The following DYDC1 variants were observed in gnomAD, a reference collection of about 807,000 sequenced individuals.
DYDC1 encodes the protein DPY30 domain containing 1.
DYDC1 carries 21 observed loss-of-function variants against 27.9 expected under a neutral mutation model. The ratio of observed to expected loss-of-function variants is 0.75; its 90% CI spans 0.53 to 1.08. DYDC1 has a LOEUF of 1.08. DYDC1 is among the 50% of genes least tolerant of loss of function. The pLI, the probability that DYDC1 is intolerant of heterozygous loss-of-function variation, is 0.00. For missense variants in DYDC1, 202 were observed against 205.9 expected (o/e 0.98, Z 0.12); for synonymous variants, 67 against 65.8 (o/e 1.02, Z -0.09).
Position 80,344,131 on chromosome 10 carries a change from A to T in DYDC1, c.250-1770T>A, listed in dbSNP as rs552373112. Among the ~76,000 whole-genome samples the T allele has an allele frequency of 1.7e-3, 252 of 152,270 alleles. 2 individuals carry two copies. The highest frequency in any genetic ancestry group is 6.0e-3 in the African/African-American group (248 of 41,546). ...ACTCTGTCTTAAAAAAATAAAAATAACAAAAACAGAATTATCACAGCAGAA... is the reference window on the plus strand; with the variant it reads ...ACTCTGTCTTAAAAAAATAAAAATATCAAAAACAGAATTATCACAGCAGAA... On this transcript the variant is annotated intron_variant, in intron 3 of 6. Coordinates refer to ENST00000372202, the MANE Select transcript of DYDC1 (RefSeq NM_001269053.2).
chr10:80,356,674 A>G, intron 1 of DYDC1, 38 bp downstream of exon 1: 1 of 984,640 alleles, frequency 1.0e-6, no homozygotes, highest in Non-Finnish European at 1.2e-6. Flanking sequence ...TAGGGGAACA[A>G]ATCCCAAAAA....
At chr10:80,349,253 A>C (rs1287512409) in intron 3 of DYDC1, among the ~76,000 whole-genome samples, 1 of 152,232 alleles carries the variant, frequency 6.6e-6, no homozygotes, top group Non-Finnish European at 1.5e-5. Context: ...ACTTCAACCA[A>C]GTGAAATGTT....
chr10:80,348,177 G>A (rs1842781294), intron 3 of DYDC1, among the ~76,000 whole-genome samples: 3 of 152,048 alleles, frequency 2.0e-5, no homozygotes, highest in Admixed American at 2.0e-4. Flanking sequence ...CACCTCCTTG[G>A]TTACATTTAT....
At chr10:80,342,138 C>G (rs911599800) in intron 4 of DYDC1, 131 bp downstream of exon 4, 6 of 791,934 alleles carry the variant, frequency 7.6e-6, no homozygotes, top group Middle Eastern at 3.8e-4. Flanking sequence ...ACTTGTTTAG[C>G]TTACACAGCT....
intron 3 of DYDC1, among the ~76,000 whole-genome samples, chr10:80,342,980 CAA>C (rs55665661): frequency 4.3e-5 from 4 of 93,896 alleles, no homozygotes; most frequent in Non-Finnish European, 4.3e-5. Flanking sequence ...GACTCCCTCT[CAA>C]AAAAAAAAAA....
In DYDC1 at chr10:80,352,494, C is replaced by T. The variant is rs1843057494; in HGVS notation, c.108G>A (p.Trp36Ter). The T allele has an allele frequency of 1.9e-6, 3 of 1,612,012 alleles. No individual in the cohort carries two copies. Among genetic ancestry groups the T allele is most frequent in the East Asian group, 2.2e-5 (1 of 44,744 alleles). ...PVDPIEYLAL[W>*]IYKYKENVTM... is the part of the protein sequence containing the mutation. ...TCACATTTTCCTTATACTTGTAAAT[C>T]CACAATGCTAAATATTCTATCGGAT... The change falls in exon 2 of 7, where the codon TGG becomes TGA. Residue 36 changes from tryptophan (W) to a stop codon, truncating the protein, a stop_gained. Transcript: ENST00000372202. LOFTEE classifies it high-confidence loss of function.
intron 3 of DYDC1, 65 bp downstream of exon 3, chr10:80,351,836 G>A: frequency 1.4e-6 from 2 of 1,435,694 alleles, no homozygotes; most frequent in South Asian, 2.4e-5. Context: ...CAACATTTAG[G>A]CTGTGCCATG....
chr10:80,356,079 G>A (rs1843350344), intron 1 of DYDC1, among the ~76,000 whole-genome samples: 5 of 151,786 alleles, frequency 3.3e-5, no homozygotes, highest in Admixed American at 3.3e-4. Context: ...TATCCCTAAA[G>A]AGAAAACTTC....
chr10:80,336,732 C>T (rs1842146264), intron 6 of DYDC1, among the ~76,000 whole-genome samples: 1 of 152,220 alleles, frequency 6.6e-6, no homozygotes, highest in Non-Finnish European at 1.5e-5. Flanking sequence ...AATGTTAACA[C>T]TCTTAACTCA....
chr10:80,336,483 C>T, intron 6 of DYDC1: 1 of 386,510 alleles, frequency 2.6e-6, no homozygotes, highest in South Asian at 1.1e-4. Context: ...CCTCCCTGAG[C>T]CCCCAGGCCT....
At chr10:80,348,862 A>G (rs1002006350) in intron 3 of DYDC1, among the ~76,000 whole-genome samples, 3 of 152,230 alleles carry the variant, frequency 2.0e-5, no homozygotes, top group African/African-American at 7.2e-5. Flanking sequence ...GATGAAATGC[A>G]TAAAACCTCA....
chr10:80,352,148 GGAAGATATTTTATCT>G (rs1221058022), intron 2 of DYDC1, 146 bp from the exon 3 acceptor site: 1 of 786,658 alleles, frequency 1.3e-6, no homozygotes, highest in Non-Finnish European at 2.0e-6. Context: ...TAATAATTTG[GGAAGATATTTTATCT>G]GAATAATGAG....
At chr10:80,338,422 A>T in intron 6 of DYDC1, 45 bp downstream of exon 6, 1 of 1,606,242 alleles carries the variant, frequency 6.2e-7, no homozygotes, top group Non-Finnish European at 8.5e-7. Flanking sequence ...AAAATCAAAA[A>T]CAAAAACAAA....
In DYDC1 at chr10:80,342,374, A is replaced by C; in HGVS notation, c.250-13T>G. Reference sequence around the variant, plus strand: ...ATGCCAGCTGTTGCTGAATATTCAGAAATATGTCATATTACAGTTAGATTA... The same window carrying C: ...ATGCCAGCTGTTGCTGAATATTCAGCAATATGTCATATTACAGTTAGATTA... On this transcript the variant is annotated splice_polypyrimidine_tract_variant and intron_variant, in intron 3 of 6. Transcript: ENST00000372202. The C allele has an allele frequency of 1.2e-6, 2 of 1,611,420 alleles. No individual in the cohort carries two copies. The highest frequency in any genetic ancestry group is 1.7e-6 in the Non-Finnish European group (2 of 1,179,286).
chr10:80,341,461 A>AG (rs1280519049), intron 4 of DYDC1, among the ~76,000 whole-genome samples: 1 of 150,668 alleles, frequency 6.6e-6, no homozygotes, highest in African/African-American at 2.4e-5. Flanking sequence ...AAAAAAAAAA[A>AG]AAAGAAAGAA....
Position 80,336,203 on chromosome 10 carries a change from A to C in DYDC1, c.505-18T>G, listed in dbSNP as rs1025551631. On this transcript the variant is annotated intron_variant, in intron 6 of 6. Coordinates refer to ENST00000372202, the MANE Select transcript of DYDC1 (RefSeq NM_001269053.2). Reference sequence around the variant, plus strand: ...AATGCAATCTAAAAGCAAAACAAAAAGTAAATATTCCTTAATACAATTAGA... The same window carrying C: ...AATGCAATCTAAAAGCAAAACAAAACGTAAATATTCCTTAATACAATTAGA... 3.2e-6 allele frequency: 5 copies of C among 1,576,880 alleles called. No individual in the cohort carries two copies. Among genetic ancestry groups the C allele is most frequent in the Non-Finnish European group, 4.3e-6 (5 of 1,166,300 alleles).
At chr10:80,354,772 C>T (rs945363601) in intron 1 of DYDC1, among the ~76,000 whole-genome samples, 23 of 152,248 alleles carry the variant, frequency 1.5e-4, no homozygotes, top group Non-Finnish European at 2.6e-4. Context: ...GCACACCAGC[C>T]AGAGGGTCCT....
intron 3 of DYDC1, among the ~76,000 whole-genome samples, chr10:80,343,030 C>T (rs928880912): frequency 2.0e-5 from 3 of 148,286 alleles, no homozygotes; most frequent in Admixed American, 1.3e-4. Flanking sequence ...CATCTGAAAT[C>T]ATTACTAACC....
At chr10:80,339,785 CCAG>C (rs1842258814) in intron 4 of DYDC1, among the ~76,000 whole-genome samples, 1 of 152,138 alleles carries the variant, frequency 6.6e-6, no homozygotes, top group Non-Finnish European at 1.5e-5. Flanking sequence ...TGCTAGAAGA[CCAG>C]TGATTTCTTG....
Sources: gnomAD v4.1 joint callset for allele counts (sites outside exome capture counted in the v4.1 genomes callset) on GRCh38, gnomAD v4.1.1 for gene constraint, MANE v1.5 for transcripts, NCBI Gene and HGNC (gene_info 2026-07-23, HGNC 2026-07-21) for gene names.